Variants in FTSJ3 observed in about 807,000 individuals in gnomAD.
FTSJ3 encodes pre-rRNA 2'-O-ribose RNA methyltransferase FTSJ3.
Under a neutral mutation model 111.5 loss-of-function variants are expected in FTSJ3, and 46 were observed. The observed-to-expected ratio is 0.41, with a 90% CI of 0.33 to 0.53. The LOEUF is 0.53. FTSJ3 is among the 20% of genes least tolerant of loss of function. The pLI is 0.19. For synonymous variants in FTSJ3, 408 were observed against 383.0 expected, an observed-to-expected ratio of 1.07 and a Z score of -0.76; for missense variants, 1,075 against 1,063.8, an observed-to-expected ratio of 1.01 and a Z score of -0.15.
intron 19 of FTSJ3, 29 bp from the exon 20 acceptor site, chr17:63,820,202 T>TGGCCCTGG: frequency 1.3e-6 from 2 of 1,593,208 alleles, no homozygotes; most frequent in Non-Finnish European, 1.7e-6. Flanking sequence ...GGTGACCTCT[T>TGGCCCTGG]CCCCATCCCC....
At position 63,821,655 on chromosome 17, in the gene FTSJ3, G is replaced by A. The variant is rs1204118606; in HGVS notation, c.1597-12C>T. 1.2e-6 allele frequency: 2 copies of A among 1,613,458 alleles called. No homozygotes were observed. The highest frequency in any genetic ancestry group is 1.7e-6 in the Non-Finnish European group (2 of 1,179,584). The stretch of plus-strand genomic sequence containing the variant: ...CCAGCAAAGCTGCCCTGTGATAGGA[G>A]AACATCAGCTGCCCTTCTCCCAAGG... On this transcript the variant is annotated splice_polypyrimidine_tract_variant and intron_variant, in intron 15 of 20. Coordinates refer to ENST00000427159, the MANE Select transcript of FTSJ3 (RefSeq NM_017647.4).
chr17:63,825,455 T>C lies in FTSJ3; in HGVS notation c.401-19A>G, dbSNP rs1417886386. On this transcript the variant is annotated intron_variant, in intron 6 of 20. Coordinates refer to ENST00000427159, the MANE Select transcript of FTSJ3 (RefSeq NM_017647.4). Reference sequence around the variant, plus strand: ...AAATGGGCTGTAGGATAGAGACAATTAGTTGACGCACTCTGCAGCCCAGGA... The same window carrying C: ...AAATGGGCTGTAGGATAGAGACAATCAGTTGACGCACTCTGCAGCCCAGGA... 2 of 1,613,902 alleles carry C rather than the reference T, an allele frequency of 1.2e-6. No homozygotes were observed. Among genetic ancestry groups the C allele is most frequent in the Non-Finnish European group, 1.7e-6 (2 of 1,179,852 alleles).
chr17:63,826,498 C>G (rs749443791), intron 3 of FTSJ3, 69 bp downstream of exon 3: 78 of 1,380,646 alleles, frequency 5.6e-5, no homozygotes, highest in Non-Finnish European at 7.3e-5. Context: ...CGCAGTGAAA[C>G]TGGAAGCCAT....
At position 63,825,567 on chromosome 17, in the gene FTSJ3, C is replaced by T. The variant is rs745743597; in HGVS notation, c.369G>A (p.Gly123=). ...AGTAAGCATCATGGACCCAGCTAGC[C>T]CCAACGTTGGGGGCCCCATCATTGA... ...VVLNDGAPNV[G]ASWVHDAYSQ... is the part of the protein sequence containing the mutation. The change falls in exon 6 of 21, where the codon GGG becomes GGA. Residue 123 remains glycine, a synonymous_variant. Transcript: ENST00000427159. 5.0e-6 allele frequency: 8 copies of T among 1,614,046 alleles called. No individual in the cohort carries two copies. The highest frequency in any genetic ancestry group is 5.9e-6 in the Non-Finnish European group (7 of 1,180,028).
Position 63,820,899 on chromosome 17 carries a change from C to T in FTSJ3, c.2012G>A (p.Gly671Asp), listed in dbSNP as rs769972059. 3 of 1,614,158 alleles carry T rather than the reference C, an allele frequency of 1.9e-6. No individual in the cohort carries two copies. Among genetic ancestry groups the T allele is most frequent in the Non-Finnish European group, 2.5e-6 (3 of 1,180,030 alleles). The change falls in exon 18 of 21, where the codon GGT becomes GAT. Residue 671 changes from glycine to aspartate, a missense_variant. This residue lies in a region of FTSJ3 where 867 missense variants were observed against 796.9 expected (regional missense o/e 1.09). Transcript: ENST00000427159. ...CTTTTTGGAAGAGGCAATAACAGCA[C>T]CTAGAGCAAGGCCTTCGGGGTCCAG... ...RILDPEGLAL[G>D]AVIASSKKAK...
intron 16 of FTSJ3, 30 bp downstream of exon 16, chr17:63,821,323 TC>T: frequency 6.3e-7 from 1 of 1,583,434 alleles, no homozygotes; most frequent in East Asian, 2.2e-5. Context: ...CCGCTTCCTT[TC>T]CATCCCTTCT....
rs1464014883 is a variant in FTSJ3, at chr17:63,821,473, A to C, written c.1767T>G (p.Asp589Glu). 2 of 1,614,196 alleles carry C rather than the reference A, an allele frequency of 1.2e-6. No individual in the cohort carries two copies. ...KTEIMSPLYQ[D>E]EAPKGTEASS... is the part of the protein sequence containing the mutation. ...AAGCCTCTGTTCCCTTAGGGGCTTCATCTTGGTACAGGGGAGACATTATCT... is the reference window on the plus strand; with the variant it reads ...AAGCCTCTGTTCCCTTAGGGGCTTCCTCTTGGTACAGGGGAGACATTATCT... The change falls in exon 16 of 21, where the codon GAT becomes GAG. Residue 589 changes from aspartate to glutamate, a missense_variant. By Grantham distance (45) the Asp-to-Glu change is conservative (BLOSUM62 2). This residue lies in a region of FTSJ3 where 867 missense variants were observed against 796.9 expected (regional missense o/e 1.09). Transcript: ENST00000427159.
chr17:63,827,358 G>A lies in FTSJ3; in HGVS notation c.-333C>T. ...CGCCCCTCCCATCATGGTTCCCTTA[G>A]TGTGGTCTCGCCGCACACCCCGCCC... On this transcript the variant is annotated 5_prime_UTR_variant, in exon 1 of 21. Coordinates refer to ENST00000427159, the MANE Select transcript of FTSJ3 (RefSeq NM_017647.4). The A allele has an allele frequency of 1.6e-6, 2 of 1,246,120 alleles. No homozygotes were observed. The highest frequency in any genetic ancestry group is 3.7e-4 in the Middle Eastern group (2 of 5,370). The allele number at this position is 1,246,120 out of a possible 1,614,324, so 77.2% of individuals were successfully genotyped here.
In FTSJ3 at chr17:63,827,370, C is replaced by A. The variant is rs1354923964; in HGVS notation, c.-345G>T. On this transcript the variant is annotated 5_prime_UTR_variant, in exon 1 of 21. Coordinates refer to ENST00000427159, the MANE Select transcript of FTSJ3 (RefSeq NM_017647.4). ...CATGGTTCCCTTAGTGTGGTCTCGC[C>A]GCACACCCCGCCCATTGACCCGGAA... 16 of 1,415,108 alleles carry A rather than the reference C, an allele frequency of 1.1e-5. No homozygotes were observed. Among genetic ancestry groups the A allele is most frequent in the Non-Finnish European group, 1.5e-5 (15 of 1,027,510 alleles). 87.7% of individuals were successfully genotyped at this position (1,415,108 alleles called of 1,614,324 possible).
Position 63,823,242 on chromosome 17 carries a change from A to T in FTSJ3, c.1290+575T>A, listed in dbSNP as rs140361646. On this transcript the variant is annotated intron_variant, in intron 13 of 20. Transcript: ENST00000427159. ...CTCTATTCATCTGTGCTTGAAACTC[A>T]AGTAACCTGGCAGCATCTACTATAA... 7.5e-4 allele frequency among the ~76,000 whole-genome samples: 114 copies of T among 152,152 alleles called. 2 individuals are homozygous for T. The highest frequency in any genetic ancestry group is 2.7e-3 in the African/African-American group (111 of 41,438).
chr17:63,820,061 G>A lies in FTSJ3; in HGVS notation c.2351+18C>T, dbSNP rs758927243. 3.1e-6 allele frequency: 5 copies of A among 1,613,928 alleles called. No homozygotes were observed. Among genetic ancestry groups the A allele is most frequent in the South Asian group, 2.2e-5 (2 of 91,070 alleles). ...TGCACTTTTAGCCCTGTGTACCTTT[G>A]TGGTGTCCTCCCATTACCTTCGCAG... On this transcript the variant is annotated intron_variant, in intron 20 of 20. Coordinates refer to ENST00000427159, the MANE Select transcript of FTSJ3 (RefSeq NM_017647.4).
chr17:63,825,635 C>T lies in FTSJ3; in HGVS notation c.301G>A (p.Ala101Thr), dbSNP rs752146685. The T allele has an allele frequency of 8.7e-6, 14 of 1,613,242 alleles. 1 individual carries two copies. The highest frequency in any genetic ancestry group is 1.7e-4 in the Middle Eastern group (1 of 6,060). ...QDITTERCRQ[A>T]LRKELKTWKV... Reference sequence around the variant, plus strand: ...CAGGTCTTCAGCTCCTTCCTCAGGGCCTAAAGAGAAGAAAAGGAACTATGG... The same window carrying T: ...CAGGTCTTCAGCTCCTTCCTCAGGGTCTAAAGAGAAGAAAAGGAACTATGG... The change falls in exon 6 of 21, where the codon GCC becomes ACC. Residue 101 changes from alanine (A) to threonine (T), a missense_variant and splice_region_variant. Ala to Thr is a moderately conservative substitution (Grantham distance 58, BLOSUM62 0). Coordinates refer to ENST00000427159, the MANE Select transcript of FTSJ3 (RefSeq NM_017647.4).
rs370518967 is a variant in FTSJ3 at position 63,823,915 on chromosome 17, G to A, written c.1192C>T (p.Arg398Trp). The A allele has an allele frequency of 1.3e-5, 21 of 1,614,044 alleles. No homozygotes were observed. The highest frequency in any genetic ancestry group is 5.5e-5 in the South Asian group (5 of 91,080). ...KKLLREQRKQ[R>W]ERVELKMDLP... ...TCCATCTTCAGCTCCACACGCTCCC[G>A]CTGCTTTCTCTGCTCACGCAACAGC... is the stretch of plus-strand genomic sequence containing the variant. Residue 398 changes from arginine (R) to tryptophan (W), a missense_variant, in exon 13 of 21, where the codon CGG becomes TGG. By Grantham distance (101) the Arg-to-Trp change is moderately radical. This residue lies in a region of FTSJ3 where 867 missense variants were observed against 796.9 expected (regional missense o/e 1.09). Transcript: ENST00000427159.
intron 13 of FTSJ3, chr17:63,823,594 CAA>C (rs56412606): frequency 0.042 from 16,264 of 385,946 alleles, 3 homozygotes; most frequent in South Asian, 0.09. Flanking sequence ...GACTCCGTCT[CAA>C]AAAAAAAAAA....
At chr17:63,822,879 G>A (rs1186186234) in intron 13 of FTSJ3, among the ~76,000 whole-genome samples, 3 of 152,192 alleles carry the variant, frequency 2.0e-5, no homozygotes. Context: ...AAAAACTCTA[G>A]TAGGTAGGTT....
At position 63,824,653 on chromosome 17, in the gene FTSJ3, C is replaced by A. The variant is rs746827307; in HGVS notation, c.901G>T (p.Gly301Trp). Residue 301 changes from glycine to tryptophan, a missense_variant, in exon 10 of 21, where the codon GGG (glycine) becomes TGG (tryptophan). Gly to Trp is a radical substitution (Grantham distance 184). This residue lies in a region of FTSJ3 where 867 missense variants were observed against 796.9 expected (regional missense o/e 1.09). Coordinates refer to ENST00000427159, the MANE Select transcript of FTSJ3 (RefSeq NM_017647.4). ...RVCCQDIRVL[G>W]RKELRSLLNW... ...ACTCCATACCTGAGCTCCTTGCGCC[C>A]CAACACTCTGATGTCCTGACAGCAC... 6.2e-7 allele frequency: 1 copy of A among 1,614,090 alleles called. No homozygotes were observed. Among genetic ancestry groups the A allele is most frequent in the South Asian group, 1.1e-5 (1 of 91,084 alleles).
intron 5 of FTSJ3, 38 bp from the exon 6 acceptor site, chr17:63,825,673 T>A: frequency 6.4e-7 from 1 of 1,556,660 alleles, no homozygotes; most frequent in Non-Finnish European, 8.8e-7. Context: ...ACAGAAACAC[T>A]GGAATGGCCC....
rs1410357338 is a variant in FTSJ3 at position 63,821,560 on chromosome 17, C to T, written c.1680G>A (p.Lys560=). 1.2e-6 allele frequency: 2 copies of T among 1,614,126 alleles called. No individual in the cohort carries two copies. The highest frequency in any genetic ancestry group is 2.2e-5 in the East Asian group (1 of 44,878). ...QAQLLFENRR[K]GRQQQQKQQL... ...GCTGCTTCTGCTGCTGCTGCCGTCC[C>T]TTCCGCCGGTTCTCAAATAACAGCT... is the stretch of plus-strand genomic sequence containing the variant. The change falls in exon 16 of 21, where the codon AAG becomes AAA. Residue 560 remains lysine, a synonymous_variant. Coordinates refer to ENST00000427159, the MANE Select transcript of FTSJ3 (RefSeq NM_017647.4).
In FTSJ3 at chr17:63,827,032, C is replaced by G. The variant is rs2040114239; in HGVS notation, c.-27+20G>C. 8.6e-6 allele frequency: 7 copies of G among 810,440 alleles called. No individual in the cohort carries two copies. In the South Asian group the frequency reaches 1.0e-4, roughly 12 times the overall value. The allele number at this position is 810,440 out of a possible 1,614,324, so 50.2% of individuals were successfully genotyped here. ...CACTTCCCGCAGCAATTCCACCCCG[C>G]GCCCCTCTCCGCACACTACCTAGAC... On this transcript the variant is annotated intron_variant, in intron 1 of 20. Coordinates refer to ENST00000427159, the MANE Select transcript of FTSJ3 (RefSeq NM_017647.4).
Sources: allele counts gnomAD v4.1 joint callset (sites outside exome capture counted in the v4.1 genomes callset), GRCh38; gene constraint gnomAD v4.1.1; regional missense constraint gnomAD v4.1.1; transcripts MANE v1.5; gene names NCBI Gene and HGNC (gene_info 2026-07-23, HGNC 2026-07-21).